The following TXLNB variants were observed in gnomAD, a reference collection of about 807,000 sequenced individuals.
The protein encoded by TXLNB is taxilin beta.
In TXLNB, 37 loss-of-function variants were observed where a neutral mutation model predicts 57.4. That is an observed-to-expected ratio of 0.64 (90% CI 0.50 to 0.85). The LOEUF is 0.85. Ranked by LOEUF, TXLNB falls within the 40% of genes least tolerant of loss-of-function variation. The probability of loss-of-function intolerance (pLI) is 0.00; values close to 1 mark genes in which losing one functional copy is unlikely to be tolerated. For missense variants in TXLNB, 848 were observed against 825.6 expected (o/e 1.03, Z -0.33); for synonymous variants, 302 against 309.6 (o/e 0.98, Z 0.26).
chr6:139,275,719 T>C (rs1776878582), intron 3 of TXLNB, among the ~76,000 whole-genome samples: 1 of 152,178 alleles, frequency 6.6e-6, no homozygotes, highest in African/African-American at 2.4e-5. Flanking sequence ...AGTCACTTAC[T>C]AAAGTGTGCT....
At chr6:139,319,966 A>T in the TXLNB span, among the ~76,000 whole-genome samples, 1 of 152,204 alleles carries the variant, frequency 6.6e-6, no homozygotes, top group Non-Finnish European at 1.5e-5. Context: ...CATTTCTACT[A>T]CTTTATAAAT....
chr6:139,179,410 T>C, the TXLNB span: 1 of 152,204 alleles, frequency 6.6e-6, no homozygotes, highest in African/African-American at 2.4e-5. Flanking sequence ...GTGTAGTGTA[T>C]GCTGTGTTCC....
At chr6:139,194,626 C>G in the TXLNB span, among the ~76,000 whole-genome samples, 7 of 152,198 alleles carry the variant, frequency 4.6e-5, no homozygotes, top group Non-Finnish European at 1.0e-4. Context: ...TGATACGAGT[C>G]ATTGTCTCTT....
intron 1 of TXLNB, among the ~76,000 whole-genome samples, chr6:139,290,013 CT>C (rs374617454): frequency 4.2e-4 from 64 of 152,170 alleles, no homozygotes; most frequent in African/African-American, 1.4e-3. Flanking sequence ...AACACGAATG[CT>C]TTTTTTGAGG....
intron 4 of TXLNB, among the ~76,000 whole-genome samples, chr6:139,266,965 GAAAAAAA>G (rs201223278): frequency 9.1e-6 from 1 of 110,494 alleles, no homozygotes; most frequent in Non-Finnish European, 2.0e-5. Context: ...AGGCTAAAAG[GAAAAAAA>G]AAAAAAAAAC....
intron 3 of TXLNB, 140 bp downstream of exon 3, chr6:139,276,690 A>T: frequency 1.6e-6 from 1 of 634,148 alleles, no homozygotes; most frequent in Non-Finnish European, 2.7e-6. Flanking sequence ...GGGTCTCATA[A>T]TCTGCAGGGT....
upstream of TXLNB, among the ~76,000 whole-genome samples, chr6:139,293,894 C>T (rs1178866352): frequency 6.6e-6 from 1 of 152,102 alleles, no homozygotes; most frequent in Non-Finnish European, 1.5e-5. Context: ...TTGGTGAGTG[C>T]CACAAATTGG....
the TXLNB span, among the ~76,000 whole-genome samples, chr6:139,176,432 C>G: frequency 6.6e-6 from 1 of 152,156 alleles, no homozygotes; most frequent in Non-Finnish European, 1.5e-5. The surrounding 1 kb of genome is among the most constrained non-coding windows in gnomAD (Gnocchi z 4.5). Context: ...TGTGCTGTTA[C>G]GGAGAGGCTA....
intron 7 of TXLNB, among the ~76,000 whole-genome samples, chr6:139,253,822 G>A (rs904785288): frequency 3.3e-5 from 5 of 152,208 alleles, no homozygotes; most frequent in Non-Finnish European, 1.5e-5. Context: ...TTTGCATGGA[G>A]GAGTAGAGAT....
At chr6:139,292,773 A>G (rs1777327747), upstream of TXLNB, among the ~76,000 whole-genome samples, 1 of 152,200 alleles carries the variant, frequency 6.6e-6, no homozygotes, top group African/African-American at 2.4e-5. The surrounding 1 kb of genome is among the most constrained non-coding windows in gnomAD (Gnocchi z 4.0). Context: ...CTCCTCAGAA[A>G]AAGAAATTCC....
chr6:139,235,874 G>A (rs1051445155), downstream of TXLNB, among the ~76,000 whole-genome samples: 6 of 152,180 alleles, frequency 3.9e-5, no homozygotes, highest in South Asian at 2.1e-4. Flanking sequence ...GCGGAAGAAC[G>A]CACAGGCAGC....
intron 2 of TXLNB, among the ~76,000 whole-genome samples, chr6:139,282,818 C>T (rs1777085661): frequency 6.9e-6 from 1 of 145,648 alleles, no homozygotes; most frequent in Admixed American, 6.7e-5. Flanking sequence ...CTCACAATCA[C>T]ATCAACTAGA....
At chr6:139,268,151 C>CAAAAAAAAA (rs59647726) in intron 4 of TXLNB, among the ~76,000 whole-genome samples, 3 of 64,518 alleles carry the variant, frequency 4.6e-5, no homozygotes, top group Non-Finnish European at 6.6e-5. Context: ...CTCCATCTCA[C>CAAAAAAAAA]AAAAAAAAAA....
intron 2 of TXLNB, among the ~76,000 whole-genome samples, chr6:139,277,782 A>G (rs1192534575): frequency 6.6e-6 from 1 of 152,144 alleles, no homozygotes; most frequent in Non-Finnish European, 1.5e-5. Flanking sequence ...TCCCATCCCT[A>G]CCTATCTATG....
chr6:139,271,602 T>C (rs999678226), intron 3 of TXLNB: 8 of 152,150 alleles, frequency 5.3e-5, no homozygotes, highest in African/African-American at 1.4e-4. Flanking sequence ...TGCCAAAAAG[T>C]TATTTGTTGT....
the TXLNB span, among the ~76,000 whole-genome samples, chr6:139,170,977 A>G: frequency 6.6e-6 from 1 of 152,172 alleles, no homozygotes; most frequent in Non-Finnish European, 1.5e-5. Flanking sequence ...AACAAAATTC[A>G]CTTTGTTTCT....
chr6:139,159,896 C>T, the TXLNB span, among the ~76,000 whole-genome samples: 1 of 152,174 alleles, frequency 6.6e-6, no homozygotes, highest in African/African-American at 2.4e-5. Flanking sequence ...AAATATTTAA[C>T]TCATAGTTTA....
chr6:139,238,830 T>G (rs1775865509), downstream of TXLNB, among the ~76,000 whole-genome samples: 1 of 152,324 alleles, frequency 6.6e-6, no homozygotes, highest in East Asian at 1.9e-4. Context: ...ACATCTTCCA[T>G]TAGCAAATTC....
the TXLNB span, among the ~76,000 whole-genome samples, chr6:139,215,579 A>G: frequency 6.6e-6 from 1 of 152,164 alleles, no homozygotes; most frequent in Non-Finnish European, 1.5e-5. Context: ...AGGACTTCAT[A>G]TCTAAAACAC....
Sources: allele counts gnomAD v4.1 joint callset (sites outside exome capture counted in the v4.1 genomes callset), GRCh38; gene constraint gnomAD v4.1.1; non-coding constraint Gnocchi (gnomAD v3.1); transcripts MANE v1.5; gene names NCBI Gene and HGNC (gene_info 2026-07-23, HGNC 2026-07-21).